Variants in GIT2 observed in about 807,000 individuals in gnomAD.
GIT2 encodes GIT ArfGAP 2.
In GIT2, 32 loss-of-function variants were observed where a neutral mutation model predicts 100.3. The ratio of observed to expected loss-of-function variants is 0.32; its 90% CI spans 0.24 to 0.43. GIT2 has a LOEUF of 0.43. GIT2 is among the 20% of genes least tolerant of loss of function. The pLI is 1.00. For missense variants in GIT2, 737 were observed against 975.1 expected (o/e 0.76, Z 3.25); for synonymous variants, 353 against 364.1 (o/e 0.97, Z 0.35).
At chr12:109,951,420 G>T in intron 13 of GIT2, 104 bp from the exon 14 acceptor site, 2 of 931,982 alleles carry the variant, frequency 2.1e-6, no homozygotes, top group Non-Finnish European at 3.3e-6. Context: ...GAATTGCAAA[G>T]TTAGTCAAAC....
Position 109,933,861 on chromosome 12 carries a change from A to G in GIT2, c.2067+161T>C, listed in dbSNP as rs1019684920. ...GGTGATCTGCCTGTCTCGGCCTCCC[A>G]AAGTGCTGGGGTTACAGGCGTGAGC... On this transcript the variant is annotated intron_variant, in intron 19 of 19. Coordinates refer to ENST00000355312, the MANE Select transcript of GIT2 (RefSeq NM_057169.5). This position sits in a 1 kb window ranked among gnomAD's most constrained non-coding sequence, Gnocchi z 4.5. 6.6e-6 allele frequency: 4 copies of G among 607,946 alleles called. No individual in the cohort carries two copies. Among genetic ancestry groups the G allele is most frequent in the East Asian group, 2.9e-5 (1 of 34,144 alleles). 37.7% of individuals were successfully genotyped at this position (607,946 alleles called of 1,614,324 possible).
At chr12:109,986,790 CA>C (rs1322188469) in intron 4 of GIT2, among the ~76,000 whole-genome samples, 1 of 146,162 alleles carries the variant, frequency 6.8e-6, no homozygotes, top group Non-Finnish European at 1.5e-5. Context: ...AACAAACAAA[CA>C]AAAAAAAACC....
intron 6 of GIT2, chr12:109,983,147 G>A: frequency 2.1e-6 from 1 of 468,502 alleles, no homozygotes; most frequent in Non-Finnish European, 3.8e-6. Context: ...TGTTATAAAG[G>A]ATCAAGTAAA....
At chr12:109,938,632 G>A (rs1393540200) in intron 17 of GIT2, 64 bp from the exon 18 acceptor site, 2 of 1,237,148 alleles carry the variant, frequency 1.6e-6, no homozygotes, top group East Asian at 4.7e-5. Context: ...CTGCTTCTAG[G>A]AGCCACTTTG....
At chr12:109,982,487 A>G (rs1409935274) in intron 6 of GIT2, 2 of 152,214 alleles carry the variant, frequency 1.3e-5, no homozygotes, top group Non-Finnish European at 2.9e-5. Flanking sequence ...GGAACAGAGT[A>G]TTGTGCTTCA....
rs1322941664 is a variant in GIT2, at chr12:109,965,493, T to C, written c.816+33A>G. 1.3e-5 allele frequency: 18 copies of C among 1,338,916 alleles called. No individual in the cohort carries two copies. The East Asian group carries it at 4.1e-4, about 31-fold the overall frequency. 82.9% of individuals were successfully genotyped at this position (1,338,916 alleles called of 1,614,324 possible). ...TATCAGCAGGGTGCACTGATTCTCA[T>C]ACTAGAGAAAACCAGTACAGAGAAA... On this transcript the variant is annotated intron_variant, in intron 9 of 19. Coordinates refer to ENST00000355312, the MANE Select transcript of GIT2 (RefSeq NM_057169.5).
At chr12:109,952,479 G>A in intron 13 of GIT2, 1 of 518,828 alleles carries the variant, frequency 1.9e-6, no homozygotes, top group East Asian at 5.4e-5. Context: ...TGCACTGCCT[G>A]TGAGGCCCAC....
chr12:109,962,307 C>T lies in GIT2; in HGVS notation c.817-622G>A, dbSNP rs1881304601. Among the ~76,000 whole-genome samples, 1 of 151,444 alleles carries T rather than the reference C, an allele frequency of 6.6e-6. No homozygotes were observed. The highest frequency in any genetic ancestry group is 1.5e-5 in the Non-Finnish European group (1 of 67,530). On this transcript the variant is annotated intron_variant, in intron 9 of 19. Coordinates refer to ENST00000355312, the MANE Select transcript of GIT2 (RefSeq NM_057169.5). This position sits in a 1 kb window ranked among gnomAD's most constrained non-coding sequence, Gnocchi z 4.3. ...TATCAAGGCTGCAGTGAGCCAAGAT[C>T]ACACCACTGCACTCCAGGCTGGGTG...
intron 2 of GIT2, 124 bp from the exon 3 acceptor site, chr12:109,989,926 T>C: frequency 3.0e-6 from 2 of 663,976 alleles, no homozygotes; most frequent in Non-Finnish European, 5.4e-6. Context: ...ATATCATTCA[T>C]ATCATTGTTT....
At chr12:109,942,725 A>C (rs1875160298) in intron 16 of GIT2, 1 of 152,274 alleles carries the variant, frequency 6.6e-6, no homozygotes, top group African/African-American at 2.4e-5. Flanking sequence ...ACCAAGTTTC[A>C]TTTAAACATT....
intron 7 of GIT2, among the ~76,000 whole-genome samples, chr12:109,980,253 A>G (rs745548915): frequency 2.6e-5 from 4 of 152,040 alleles, no homozygotes; most frequent in Non-Finnish European, 5.9e-5. Flanking sequence ...TTTTTTGTGG[A>G]GACGGAGTCT....
At chr12:109,995,971 G>C (rs943061682) in intron 1 of GIT2, 5 of 474,298 alleles carry the variant, frequency 1.1e-5, no homozygotes, top group African/African-American at 1.0e-4. Flanking sequence ...AGGGAAGGGA[G>C]GGCCGCGAGG....
At chr12:109,991,493 G>A (rs549189868) in intron 2 of GIT2, 134 bp downstream of exon 2, 2 of 676,578 alleles carry the variant, frequency 3.0e-6, no homozygotes, top group Middle Eastern at 2.6e-4. Flanking sequence ...TAGCATTGAT[G>A]GGCATGCCAT....
intron 15 of GIT2, among the ~76,000 whole-genome samples, chr12:109,946,711 A>T (rs932372622): frequency 1.3e-5 from 2 of 152,136 alleles, no homozygotes; most frequent in African/African-American, 4.8e-5. Flanking sequence ...CGAACCTAGC[A>T]GGCACACTGA....
intron 17 of GIT2, 66 bp from the exon 18 acceptor site, chr12:109,938,634 G>A (rs755581064): frequency 1.1e-4 from 130 of 1,229,138 alleles, no homozygotes; most frequent in Middle Eastern, 2.9e-4. Flanking sequence ...GCTTCTAGGA[G>A]CCACTTTGTA....
rs1889406209 is a variant in GIT2 at position 109,996,272 on chromosome 12, AGGCGGCGGT to A, written c.-57_-49del. ...GGAACTAGAGGCCGGGGGACAGCAA[AGGCGGCGGT>A]GGCGGCGGCGCTTCCGCTCTAACGG... On this transcript the variant is annotated 5_prime_UTR_variant, in exon 1 of 20. Transcript: ENST00000355312. The A allele has an allele frequency of 7.3e-7, 1 of 1,371,788 alleles. No individual in the cohort carries two copies. Among genetic ancestry groups the A allele is most frequent in the Non-Finnish European group, 1.0e-6 (1 of 1,001,702 alleles). 85.0% of individuals were successfully genotyped at this position (1,371,788 alleles called of 1,614,324 possible). A position where few individuals can be genotyped will look rare whatever the true frequency, so the allele number is the denominator to read the frequency against.
chr12:109,969,628 C>T (rs112726958), intron 7 of GIT2, among the ~76,000 whole-genome samples: 8,206 of 152,044 alleles, frequency 0.054, 549 homozygotes, highest in African/African-American at 0.17. Context: ...CTCACTGCAG[C>T]CTCGACTTCC....
At chr12:109,959,108 C>T (rs1470656650) in intron 12 of GIT2, among the ~76,000 whole-genome samples, 1 of 150,388 alleles carries the variant, frequency 6.6e-6, no homozygotes, top group Admixed American at 6.6e-5. Context: ...TGCTCTGTCA[C>T]TCAGGCTGGA....
upstream of GIT2, chr12:109,999,599 C>A (rs1257712713): frequency 9.1e-7 from 1 of 1,094,900 alleles, no homozygotes; most frequent in South Asian, 1.8e-5. This position sits in a 1 kb window ranked among gnomAD's most constrained non-coding sequence, Gnocchi z 4.3. Flanking sequence ...GCTTGCTCGC[C>A]GGCCTCAGGG....
Sources: allele counts gnomAD v4.1 joint callset (sites outside exome capture counted in the v4.1 genomes callset), GRCh38; gene constraint gnomAD v4.1.1; non-coding constraint Gnocchi (gnomAD v3.1); transcripts MANE v1.5; gene names NCBI Gene and HGNC (gene_info 2026-07-23, HGNC 2026-07-21).